Variants in CRACD observed in about 807,000 individuals in gnomAD.
CRACD encodes capping protein-inhibiting regulator of actin dynamics.
CRACD carries 56 observed loss-of-function variants against 106.8 expected under a neutral mutation model. The ratio of observed to expected loss-of-function variants is 0.52; its 90% CI spans 0.42 to 0.66. The LOEUF (loss-of-function observed/expected upper bound fraction) is 0.66, where lower values mean the gene tolerates loss of function less well. Ranked by LOEUF, CRACD falls within the 30% of genes least tolerant of loss-of-function variation. CRACD has a pLI of 0.00. For synonymous variants in CRACD, 754 were observed against 670.8 expected, an observed-to-expected ratio of 1.12 and a Z score of -1.92; for missense variants, 1,730 against 1,623.2, an observed-to-expected ratio of 1.07 and a Z score of -1.13.
Position 56,328,051 on chromosome 4 carries a change from T to C in CRACD, c.*247T>C. 2.4e-6 allele frequency: 1 copy of C among 418,052 alleles called. No individual in the cohort carries two copies. 25.9% of individuals were successfully genotyped at this position (418,052 alleles called of 1,614,324 possible). A position where few individuals can be genotyped will look rare whatever the true frequency, so the allele number is the denominator to read the frequency against. On this transcript the variant is annotated 3_prime_UTR_variant, in exon 11 of 11. Coordinates refer to ENST00000682029, the MANE Select transcript of CRACD (RefSeq NM_001393381.1). ...AGAAAATTCCGTCCACAGGACCACATGAAGCAAAATCTCTAAGCTAAGAAC... is the reference window on the plus strand; with the variant it reads ...AGAAAATTCCGTCCACAGGACCACACGAAGCAAAATCTCTAAGCTAAGAAC...
chr4:56,122,481 C>T (rs922867753), intron 1 of CRACD, among the ~76,000 whole-genome samples: 1 of 152,186 alleles, frequency 6.6e-6, no homozygotes, highest in African/African-American at 2.4e-5. Context: ...CTGCCCTGGG[C>T]TTGATACACC....
intron 2 of CRACD, among the ~76,000 whole-genome samples, chr4:56,182,740 G>C (rs953888501): frequency 6.6e-6 from 1 of 152,126 alleles, no homozygotes; most frequent in Non-Finnish European, 1.5e-5. Context: ...TTAGGAAATA[G>C]ATGCTTTTTT....
intron 8 of CRACD, among the ~76,000 whole-genome samples, chr4:56,321,901 C>A (rs1746127581): frequency 6.6e-6 from 1 of 152,108 alleles, no homozygotes. Context: ...GCAGAATCTG[C>A]CCCCTGCCCT....
chr4:56,246,036 T>C (rs1740660688), intron 2 of CRACD, among the ~76,000 whole-genome samples: 1 of 152,112 alleles, frequency 6.6e-6, no homozygotes, highest in South Asian at 2.1e-4. Flanking sequence ...GGGAGGAGGA[T>C]GGGCAGGAGG....
intron 2 of CRACD, among the ~76,000 whole-genome samples, chr4:56,227,348 G>A (rs1441715894): frequency 2.1e-5 from 3 of 142,716 alleles, no homozygotes; most frequent in Admixed American, 7.0e-5. Context: ...AAAATTTCAG[G>A]TGTGGGACAC....
intron 3 of CRACD, among the ~76,000 whole-genome samples, chr4:56,280,502 T>A (rs370826059): frequency 3.3e-5 from 5 of 152,322 alleles, no homozygotes; most frequent in Admixed American, 2.6e-4. Context: ...ATCAGGCCCC[T>A]TCCCCTGACA....
At chr4:56,137,779 G>A (rs988527815) in intron 1 of CRACD, among the ~76,000 whole-genome samples, 1 of 152,196 alleles carries the variant, frequency 6.6e-6, no homozygotes, top group Non-Finnish European at 1.5e-5. Flanking sequence ...CCTGAGCCCA[G>A]GAGTTCAAGG....
At chr4:56,268,639 T>C (rs1461999260) in intron 2 of CRACD, among the ~76,000 whole-genome samples, 1 of 152,226 alleles carries the variant, frequency 6.6e-6, no homozygotes, top group African/African-American at 2.4e-5. Flanking sequence ...AGGCACTGTT[T>C]ACATATTTTC....
At chr4:56,050,207 G>A (rs1353888746) in intron 1 of CRACD, among the ~76,000 whole-genome samples, 1 of 151,856 alleles carries the variant, frequency 6.6e-6, no homozygotes, top group East Asian at 1.9e-4. Context: ...GTACGACCAT[G>A]TGTTGTGAAA....
chr4:56,301,200 C>G, intron 4 of CRACD: 1 of 1,284,432 alleles, frequency 7.8e-7, no homozygotes, highest in Non-Finnish European at 1.0e-6. Flanking sequence ...GAATCATCCC[C>G]AAAAAGACTG....
At chr4:56,300,533 C>G (rs1396702111) in intron 4 of CRACD, among the ~76,000 whole-genome samples, 1 of 152,094 alleles carries the variant, frequency 6.6e-6, no homozygotes, top group Middle Eastern at 3.2e-3. Context: ...AACCTTGACC[C>G]CCCTCCTCCT....
Position 56,241,112 on chromosome 4 carries a change from A to G in CRACD, c.-188-31209A>G, listed in dbSNP as rs549668928. 4.6e-5 allele frequency among the ~76,000 whole-genome samples: 7 copies of G among 152,300 alleles called. No homozygotes were observed. In the South Asian group the frequency reaches 1.4e-3, roughly 32 times the overall value. ...TGAGTTTCTGGTTGACATATGGAAA[A>G]GGGCAGACTATAAAGTGCTCATGAA... is the stretch of plus-strand genomic sequence containing the variant. On this transcript the variant is annotated intron_variant, in intron 2 of 10. Coordinates refer to ENST00000682029, the MANE Select transcript of CRACD (RefSeq NM_001393381.1).
chr4:56,326,155 G>A (rs1021141898), intron 10 of CRACD, among the ~76,000 whole-genome samples: 4 of 152,052 alleles, frequency 2.6e-5, no homozygotes, highest in Non-Finnish European at 5.9e-5. Flanking sequence ...CAAGTGATCC[G>A]CCCACCTCGG....
At chr4:56,269,692 A>C (rs1213783150) in intron 2 of CRACD, among the ~76,000 whole-genome samples, 1 of 151,318 alleles carries the variant, frequency 6.6e-6, no homozygotes, top group Non-Finnish European at 1.5e-5. Context: ...CAGCCTCCTG[A>C]GTAGCTGGGA....
intron 2 of CRACD, among the ~76,000 whole-genome samples, chr4:56,189,417 C>T (rs1737256986): frequency 6.6e-6 from 1 of 151,682 alleles, no homozygotes; most frequent in Admixed American, 6.6e-5. Context: ...TATTATTATA[C>T]TTTAAGTTTT....
chr4:56,136,155 T>C (rs1022034079), intron 1 of CRACD, among the ~76,000 whole-genome samples: 1 of 152,200 alleles, frequency 6.6e-6, no homozygotes. Flanking sequence ...CCATTTTGTT[T>C]ATTCTTCTGT....
chr4:56,154,180 T>G (rs565531567), intron 1 of CRACD, among the ~76,000 whole-genome samples: 1 of 152,198 alleles, frequency 6.6e-6, no homozygotes, highest in Admixed American at 6.5e-5. Flanking sequence ...TAAATATGAT[T>G]GTTGGCCGGG....
At chr4:56,323,094 G>A (rs551298631) in intron 8 of CRACD, among the ~76,000 whole-genome samples, 1 of 152,248 alleles carries the variant, frequency 6.6e-6, no homozygotes, top group East Asian at 1.9e-4. Context: ...TGCCCTGGAG[G>A]CCTGAGATGT....
intron 3 of CRACD, among the ~76,000 whole-genome samples, chr4:56,282,081 G>T (rs758088332): frequency 6.6e-6 from 1 of 152,156 alleles, no homozygotes; most frequent in Non-Finnish European, 1.5e-5. Flanking sequence ...GTTTGATGAG[G>T]ATATTTAATT....
Sources: allele counts gnomAD v4.1 joint callset (sites outside exome capture counted in the v4.1 genomes callset), GRCh38; gene constraint gnomAD v4.1.1; transcripts MANE v1.5; gene names NCBI Gene and HGNC (gene_info 2026-07-23, HGNC 2026-07-21).